The following WDR64 variants were observed in gnomAD, a reference collection of about 807,000 sequenced individuals.
WDR64 encodes the protein WD repeat-containing protein 64.
A neutral mutation model predicts 139.3 loss-of-function variants in WDR64; 112 were observed. The observed-to-expected ratio is 0.80, with a 90% confidence interval of 0.69 to 0.94. The LOEUF is 0.94. WDR64 is among the 40% of genes least tolerant of loss of function. WDR64 has a pLI of 0.00. For missense variants in WDR64, 1,206 were observed against 1,293.1 expected (o/e 0.93, Z 1.03); for synonymous variants, 444 against 437.7 (o/e 1.01, Z -0.18).
In WDR64 at chr1:241,703,478, T is replaced by C. The variant is rs1667811997; in HGVS notation, c.975-8324T>C. On this transcript the variant is annotated intron_variant, in intron 8 of 27. Coordinates refer to ENST00000437684, the MANE Select transcript of WDR64 (RefSeq NM_001367482.1). The surrounding 1 kb of genome is among the most constrained non-coding windows in gnomAD (Gnocchi z 5.9). Reference sequence around the variant, plus strand: ...TCAAAAAGTTTTTTTTTTTTTTCTGTTTTGAAGAAACTGTCAGAAAATGTT... The same window carrying C: ...TCAAAAAGTTTTTTTTTTTTTTCTGCTTTGAAGAAACTGTCAGAAAATGTT... Among the ~76,000 whole-genome samples the C allele has an allele frequency of 6.6e-6, 1 of 151,484 alleles. No individual in the cohort carries two copies.
chr1:241,684,867 C>G (rs1666948532), intron 7 of WDR64, among the ~76,000 whole-genome samples: 1 of 152,164 alleles, frequency 6.6e-6, no homozygotes, highest in Admixed American at 6.5e-5. Context: ...AAGCGATTCT[C>G]CTGCCTCAGC....
At chr1:241,691,829 C>T (rs1667309378) in intron 8 of WDR64, among the ~76,000 whole-genome samples, 1 of 152,038 alleles carries the variant, frequency 6.6e-6, no homozygotes, top group Admixed American at 6.6e-5. Flanking sequence ...GCCTGGCCAA[C>T]ATGGTGAAAC....
At chr1:241,722,839 C>T (rs1431019309) in intron 9 of WDR64, among the ~76,000 whole-genome samples, 5 of 151,922 alleles carry the variant, frequency 3.3e-5, no homozygotes, top group East Asian at 1.9e-4. Flanking sequence ...GAAGGGAAGA[C>T]GGAAAAATGA....
intron 1 of WDR64, among the ~76,000 whole-genome samples, chr1:241,654,094 G>T (rs1665483359): frequency 6.6e-6 from 1 of 152,164 alleles, no homozygotes; most frequent in African/African-American, 2.4e-5. Flanking sequence ...CAAAAGACAA[G>T]AATTCTCTCA....
intron 21 of WDR64, among the ~76,000 whole-genome samples, chr1:241,775,428 G>C (rs1313890177): frequency 6.6e-6 from 1 of 152,204 alleles, no homozygotes; most frequent in Non-Finnish European, 1.5e-5. Flanking sequence ...TTAGGGCAAG[G>C]CATTGCCCTC....
intron 19 of WDR64, among the ~76,000 whole-genome samples, chr1:241,771,980 A>ATATATATATG (rs1658471519): frequency 8.7e-6 from 1 of 115,308 alleles, no homozygotes; most frequent in African/African-American, 3.1e-5. Context: ...ATATATATAT[A>ATATATATATG]TATATATATT....
At chr1:241,747,814 G>T (rs892050500) in intron 13 of WDR64, among the ~76,000 whole-genome samples, 6 of 152,156 alleles carry the variant, frequency 3.9e-5, no homozygotes, top group African/African-American at 1.4e-4. Flanking sequence ...GCACTTCCGC[G>T]GAAGGCAGGA....
rs751281022 is a variant in WDR64, at chr1:241,738,414, GACAGCC to G, written c.1248_1253del (p.Asp416_Gln418delinsGlu). ...TCTTTCACTATTACAAGTCTTCCAT[GACAGCC>G]AGGGAGGACCAGGAGACATGCAGAT... On this transcript the variant is annotated inframe_deletion, in exon 11 of 28. Coordinates refer to ENST00000437684, the MANE Select transcript of WDR64 (RefSeq NM_001367482.1). The G allele has an allele frequency of 1.2e-5, 19 of 1,613,870 alleles. No individual in the cohort carries two copies. The South Asian group carries it at 2.0e-4, about 17-fold the overall frequency.
rs58720618 is a variant in WDR64, at chr1:241,784,953, GAAAAAAAA to G, written c.2705+1588_2705+1595del. 6.4e-5 allele frequency among the ~76,000 whole-genome samples: 4 copies of G among 62,248 alleles called. 1 individual carries two copies. The highest frequency in any genetic ancestry group is 1.2e-4 in the Non-Finnish European group (4 of 32,516). The allele number at this position is 62,248 out of a possible 152,430, so 40.8% of individuals were successfully genotyped here. On this transcript the variant is annotated intron_variant, in intron 23 of 27. Transcript: ENST00000437684. ...TGGGCGACAGAGTGAGACTCTGTCT[GAAAAAAAA>G]AAAAAAAAAAAAAAAGAAAGGACAT...
chr1:241,772,794 G>A lies in WDR64; in HGVS notation c.2293G>A (p.Glu765Lys). The change falls in exon 20 of 28, where the codon GAA becomes AAA. Residue 765 changes from glutamate to lysine, a missense_variant and splice_region_variant. Coordinates refer to ENST00000437684, the MANE Select transcript of WDR64 (RefSeq NM_001367482.1). ...TAGTTCATTAATTTCTCGAATAGGT[G>A]AACAAACAGATGTAATGGTGGGAAA... ...QSIHDSEVKG[E>K]QTDVMVGKQQ... The A allele has an allele frequency of 6.4e-7, 1 of 1,551,694 alleles. No homozygotes were observed. Among genetic ancestry groups the A allele is most frequent in the South Asian group, 1.2e-5 (1 of 84,044 alleles).
chr1:241,660,452 G>A (rs1665780942), intron 1 of WDR64, 78 bp from the exon 2 acceptor site: 1 of 1,481,064 alleles, frequency 6.8e-7, no homozygotes, highest in East Asian at 2.5e-5. Context: ...ACAAGGTGAG[G>A]AAATAAAAAA....
chr1:241,727,626 G>A (rs1470498665), intron 10 of WDR64, among the ~76,000 whole-genome samples: 1 of 152,170 alleles, frequency 6.6e-6, no homozygotes. Flanking sequence ...TAGGGACAAA[G>A]CATTGAACAA....
intron 2 of WDR64, among the ~76,000 whole-genome samples, chr1:241,662,796 A>C (rs1418693551): frequency 6.6e-5 from 10 of 152,212 alleles, no homozygotes. Flanking sequence ...ACTGGACACA[A>C]CCCCATTAAA....
chr1:241,696,432 A>G (rs576544661), intron 8 of WDR64, among the ~76,000 whole-genome samples: 66 of 152,312 alleles, frequency 4.3e-4, no homozygotes, highest in African/African-American at 1.5e-3. Flanking sequence ...AAATTTATTA[A>G]GAAAGTAAAG....
At chr1:241,762,133 C>A (rs1178314882) in intron 15 of WDR64, among the ~76,000 whole-genome samples, 1 of 152,126 alleles carries the variant, frequency 6.6e-6, no homozygotes, top group African/African-American at 2.4e-5. Context: ...CAGCTATAGC[C>A]TTACAAAATG....
chr1:241,745,143 T>C (rs1320578030), intron 13 of WDR64, among the ~76,000 whole-genome samples: 1 of 152,098 alleles, frequency 6.6e-6, no homozygotes, highest in East Asian at 1.9e-4. Context: ...ACATACTAAA[T>C]GAAAGAACTG....
At chr1:241,745,866 G>A (rs1669737106) in intron 13 of WDR64, among the ~76,000 whole-genome samples, 1 of 152,104 alleles carries the variant, frequency 6.6e-6, no homozygotes. Flanking sequence ...CCATCACCTG[G>A]GAAAAGCTGA....
chr1:241,716,386 C>A (rs1370323992), intron 9 of WDR64, among the ~76,000 whole-genome samples: 1 of 151,572 alleles, frequency 6.6e-6, no homozygotes, highest in Admixed American at 6.6e-5. Context: ...TTTTGCTGAA[C>A]AGTGTTTGCA....
chr1:241,795,509 C>T (rs1013611851), intron 26 of WDR64, among the ~76,000 whole-genome samples: 4 of 152,166 alleles, frequency 2.6e-5, no homozygotes, highest in Admixed American at 6.5e-5. Flanking sequence ...TTATTTTGAA[C>T]GTTACTCTGT....
Sources: gnomAD v4.1 joint callset for allele counts (sites outside exome capture counted in the v4.1 genomes callset) on GRCh38, gnomAD v4.1.1 for gene constraint, Gnocchi (gnomAD v3.1) non-coding constraint, MANE v1.5 for transcripts, NCBI Gene and HGNC (gene_info 2026-07-23, HGNC 2026-07-21) for gene names.